Variants in GLIS3 observed in about 807,000 individuals in gnomAD.
GLIS3 encodes GLIS family zinc finger 3.
Under a neutral mutation model 78.6 loss-of-function variants are expected in GLIS3, and 53 were observed. That is an observed-to-expected ratio of 0.67 (90% CI 0.54 to 0.85). The LOEUF (loss-of-function observed/expected upper bound fraction) is 0.85. Among genes scored for constraint, GLIS3 ranks in the 40% least tolerant of loss-of-function variants. The pLI, the probability that GLIS3 is intolerant of heterozygous loss-of-function variation, is 0.00. For synonymous variants in GLIS3, 684 were observed against 509.9 expected (o/e 1.34, Z -4.60); for missense variants, 1,703 against 1,231.1 (o/e 1.38, Z -5.74).
chr9:4,376,124 A>C, the GLIS3 span, among the ~76,000 whole-genome samples: 2 of 152,154 alleles, frequency 1.3e-5, no homozygotes, highest in Non-Finnish European at 2.9e-5. Context: ...GGATTGAAAA[A>C]AAGTTGGGGT....
intron 2 of GLIS3, among the ~76,000 whole-genome samples, chr9:4,271,159 A>C (rs933341631): frequency 6.6e-6 from 1 of 152,174 alleles, no homozygotes; most frequent in African/African-American, 2.4e-5. Flanking sequence ...TAATACTAGA[A>C]AATTAGGAAA....
intron 5 of GLIS3, among the ~76,000 whole-genome samples, chr9:3,935,825 T>G (rs1205334349): frequency 1.3e-5 from 2 of 152,138 alleles, no homozygotes; most frequent in Non-Finnish European, 2.9e-5. Context: ...TCAGGTAGAG[T>G]AGAAACTGGG....
chr9:4,451,917 T>A, the GLIS3 span, among the ~76,000 whole-genome samples: 2 of 145,190 alleles, frequency 1.4e-5, 1 homozygote, highest in African/African-American at 5.7e-5. Flanking sequence ...AAAACTGACA[T>A]CCTCAATAAA....
chr9:4,380,593 G>A, the GLIS3 span, among the ~76,000 whole-genome samples: 7 of 152,196 alleles, frequency 4.6e-5, no homozygotes, highest in African/African-American at 1.7e-4. Flanking sequence ...TCACACCAGA[G>A]ATTCTGAGTC....
At chr9:4,380,467 G>T in the GLIS3 span, among the ~76,000 whole-genome samples, 1 of 152,132 alleles carries the variant, frequency 6.6e-6, no homozygotes, top group Non-Finnish European at 1.5e-5. Flanking sequence ...AAGCACCAAA[G>T]AAGATAAAAA....
At chr9:4,200,207 G>A (rs1819241211) in intron 2 of GLIS3, among the ~76,000 whole-genome samples, 1 of 151,964 alleles carries the variant, frequency 6.6e-6, no homozygotes, top group South Asian at 2.1e-4. Context: ...AAATTATAAA[G>A]ATCTCAAATT....
intron 4 of GLIS3, among the ~76,000 whole-genome samples, chr9:3,981,853 A>C (rs998104855): frequency 6.6e-6 from 1 of 152,138 alleles, no homozygotes; most frequent in Non-Finnish European, 1.5e-5. Flanking sequence ...ACTTTTTGGC[A>C]AATTGCTTTC....
At chr9:4,434,012 A>T in the GLIS3 span, among the ~76,000 whole-genome samples, 1 of 150,224 alleles carries the variant, frequency 6.7e-6, no homozygotes, top group Non-Finnish European at 1.5e-5. Flanking sequence ...AGGAGAATGG[A>T]GTGAACCCAG....
At position 4,117,751 on chromosome 9, in the gene GLIS3, G is replaced by A; in HGVS notation, c.1710+17C>T. On this transcript the variant is annotated intron_variant, in intron 4 of 10. Coordinates refer to ENST00000381971, the MANE Select transcript of GLIS3 (RefSeq NM_001042413.2). ...GGGCCTTCAAGAGAGGTCACCCCTT[G>A]CGCTTCGGAAACTCACCGTACACTT... 6.2e-7 allele frequency: 1 copy of A among 1,614,170 alleles called. No individual in the cohort carries two copies. The highest frequency in any genetic ancestry group is 1.6e-4 in the Middle Eastern group (1 of 6,062).
At chr9:4,334,179 C>G (rs1230162249) in intron 2 of GLIS3, among the ~76,000 whole-genome samples, 1 of 152,302 alleles carries the variant, frequency 6.6e-6, no homozygotes, top group East Asian at 1.9e-4. Context: ...GATTCTACTA[C>G]AGGTAAAGAA....
chr9:4,297,761 C>A (rs1253308067), intron 1 of GLIS3, among the ~76,000 whole-genome samples: 1 of 152,176 alleles, frequency 6.6e-6, no homozygotes, highest in African/African-American at 2.4e-5. Flanking sequence ...AGGAGGCACA[C>A]AGAGCAGTGG....
intron 2 of GLIS3, among the ~76,000 whole-genome samples, chr9:4,177,850 T>G (rs1246505449): frequency 1.3e-5 from 2 of 152,202 alleles, no homozygotes; most frequent in East Asian, 1.9e-4. Flanking sequence ...AAGATAGTAT[T>G]CACAATGCTG....
intron 2 of GLIS3, among the ~76,000 whole-genome samples, chr9:4,252,753 G>A (rs1456388112): frequency 6.6e-6 from 1 of 152,174 alleles, no homozygotes; most frequent in Non-Finnish European, 1.5e-5. Flanking sequence ...GGATTTATCT[G>A]TCTTTGGTCT....
At chr9:4,387,068 G>C in the GLIS3 span, among the ~76,000 whole-genome samples, 2 of 152,126 alleles carry the variant, frequency 1.3e-5, no homozygotes, top group Non-Finnish European at 1.5e-5. Flanking sequence ...ATGGTCTCTA[G>C]GCAACAGGAA....
intron 2 of GLIS3, among the ~76,000 whole-genome samples, chr9:4,205,410 G>A (rs1455116814): frequency 6.6e-6 from 1 of 152,182 alleles, no homozygotes; most frequent in Admixed American, 6.5e-5. Context: ...TCAGGGATAG[G>A]CAGGACCTGA....
At chr9:4,189,802 G>C (rs996833561) in intron 2 of GLIS3, among the ~76,000 whole-genome samples, 1 of 151,972 alleles carries the variant, frequency 6.6e-6, no homozygotes, top group Non-Finnish European at 1.5e-5. Flanking sequence ...TTTTATCAGA[G>C]ACTAGGATTG....
chr9:4,314,533 A>T (rs1240660869), intron 2 of GLIS3, among the ~76,000 whole-genome samples: 1 of 152,228 alleles, frequency 6.6e-6, no homozygotes, highest in Non-Finnish European at 1.5e-5. Context: ...TCTTCAGGCA[A>T]AAAAGAAAGA....
chr9:3,977,453 A>G lies in GLIS3; in HGVS notation c.1711-40264T>C, dbSNP rs1027386686. On this transcript the variant is annotated intron_variant, in intron 4 of 10. Coordinates refer to ENST00000381971, the MANE Select transcript of GLIS3 (RefSeq NM_001042413.2). This position sits in a 1 kb window ranked among gnomAD's most constrained non-coding sequence, Gnocchi z 4.1. ...TGCTATTATTAAAAAGACTAATGAG[A>G]GCTGCTCGGTAAGAAAAGAAAAGAT... Among the ~76,000 whole-genome samples the G allele has an allele frequency of 1.3e-5, 2 of 152,136 alleles. No individual in the cohort carries two copies. The highest frequency in any genetic ancestry group is 6.5e-5 in the Admixed American group (1 of 15,272).
At chr9:3,833,485 G>A (rs1236296391) in intron 9 of GLIS3, among the ~76,000 whole-genome samples, 2 of 152,054 alleles carry the variant, frequency 1.3e-5, no homozygotes, top group African/African-American at 4.8e-5. Flanking sequence ...ACTACTTCTC[G>A]GACCCAAAGC....
Sources: gnomAD v4.1 joint callset for allele counts (sites outside exome capture counted in the v4.1 genomes callset) on GRCh38, gnomAD v4.1.1 for gene constraint, Gnocchi (gnomAD v3.1) non-coding constraint, MANE v1.5 for transcripts, NCBI Gene and HGNC (gene_info 2026-07-23, HGNC 2026-07-21) for gene names.